Variants in OLFM3 observed in about 807,000 individuals in gnomAD.
OLFM3 encodes olfactomedin 3.
Under a neutral mutation model 48.6 loss-of-function variants are expected in OLFM3, and 20 were observed. The ratio of observed to expected loss-of-function variants is 0.41; its 90% CI spans 0.29 to 0.60. The LOEUF (loss-of-function observed/expected upper bound fraction) is 0.60, where lower values mean the gene tolerates loss of function less well. OLFM3 is among the 20% of genes least tolerant of loss of function. OLFM3 has a pLI of 0.28. For missense variants in OLFM3, 437 were observed against 544.3 expected (o/e 0.80, Z 1.96); for synonymous variants, 222 against 198.1 (o/e 1.12, Z -1.01).
intron 1 of OLFM3, among the ~76,000 whole-genome samples, chr1:101,953,153 T>C (rs531562415): frequency 8.5e-5 from 13 of 152,168 alleles, no homozygotes; most frequent in Non-Finnish European, 1.9e-4. Flanking sequence ...ATGAAATTTA[T>C]TAATAAGCTT....
intron 1 of OLFM3, among the ~76,000 whole-genome samples, chr1:101,990,739 A>G (rs1305828340): frequency 1.3e-5 from 2 of 151,798 alleles, no homozygotes; most frequent in Non-Finnish European, 2.9e-5. Flanking sequence ...TAATCCCAGC[A>G]CTTTGGGAGG....
In OLFM3 at chr1:101,804,597, A is replaced by ACACAGCC. The variant is rs1653672494; in HGVS notation, c.1011_1017dup (p.Tyr340GlyfsTer6). ...TTGCCTGCATTCTGGTTAGTTGCAT[A>ACACAGCC]CACAGCCCACAGCCCGATTTCATCA... On this transcript the variant is annotated frameshift_variant, in exon 6 of 6. Transcript: ENST00000370103. LOFTEE classifies it high-confidence loss of function. This position sits in a 1 kb window ranked among gnomAD's most constrained non-coding sequence, Gnocchi z 4.5. 1 of 1,612,404 alleles carries ACACAGCC rather than the reference A, an allele frequency of 6.2e-7. No homozygotes were observed. Among genetic ancestry groups the ACACAGCC allele is most frequent in the Non-Finnish European group, 8.5e-7 (1 of 1,179,154 alleles).
intron 4 of OLFM3, among the ~76,000 whole-genome samples, chr1:101,814,930 G>A (rs1257737644): frequency 1.3e-5 from 2 of 152,180 alleles, no homozygotes; most frequent in Non-Finnish European, 2.9e-5. Flanking sequence ...CAAATAAACA[G>A]AAAGAAGATC....
chr1:101,921,946 C>G (rs1445614509), intron 1 of OLFM3, among the ~76,000 whole-genome samples: 1 of 152,072 alleles, frequency 6.6e-6, no homozygotes, highest in East Asian at 1.9e-4. Flanking sequence ...GTAGTCCCAG[C>G]TACTCGGGAG....
At position 101,957,738 on chromosome 1, in the gene OLFM3, C is replaced by A. The variant is rs757906932; in HGVS notation, c.69+39010G>T. The stretch of plus-strand genomic sequence containing the variant: ...GAATAATTAGGAAGTAAGAGAGTAA[C>A]AGTGTGGCTTCTTAAAAGGTTAGAG... On this transcript the variant is annotated intron_variant, in intron 1 of 5. Transcript: ENST00000370103. 1.5e-3 allele frequency among the ~76,000 whole-genome samples: 232 copies of A among 152,110 alleles called. 2 individuals are homozygous for A. The highest frequency in any genetic ancestry group is 2.9e-3 in the Admixed American group (45 of 15,258).
chr1:101,899,928 T>G (rs886737032), intron 1 of OLFM3, among the ~76,000 whole-genome samples: 3 of 152,186 alleles, frequency 2.0e-5, no homozygotes, highest in Admixed American at 2.0e-4. Flanking sequence ...TAATGTTATT[T>G]CTTTGTTCTA....
At chr1:101,863,872 A>T (rs888925678) in intron 1 of OLFM3, among the ~76,000 whole-genome samples, 5 of 152,170 alleles carry the variant, frequency 3.3e-5, no homozygotes, top group Non-Finnish European at 7.4e-5. Context: ...CACTGCACAT[A>T]ATGATTTAAG....
chr1:101,956,780 A>G (rs1212853142), intron 1 of OLFM3, among the ~76,000 whole-genome samples: 1 of 151,920 alleles, frequency 6.6e-6, no homozygotes, highest in Non-Finnish European at 1.5e-5. Context: ...CTACAACTGG[A>G]CAGATTTCCC....
chr1:101,924,201 T>C (rs1659190154), intron 1 of OLFM3, among the ~76,000 whole-genome samples: 1 of 152,174 alleles, frequency 6.6e-6, no homozygotes, highest in South Asian at 2.1e-4. Context: ...TTGCACTGAT[T>C]ATGAACACTT....
chr1:101,843,866 A>AT (rs1655852563), intron 1 of OLFM3, among the ~76,000 whole-genome samples: 1 of 152,104 alleles, frequency 6.6e-6, no homozygotes, highest in African/African-American at 2.4e-5. Flanking sequence ...ATTTATGTTA[A>AT]TCTGTTTTTT....
intron 1 of OLFM3, among the ~76,000 whole-genome samples, chr1:101,919,189 A>T (rs1472151337): frequency 6.6e-6 from 1 of 152,196 alleles, no homozygotes; most frequent in Non-Finnish European, 1.5e-5. Flanking sequence ...AGTTTTGAAA[A>T]AAATAATTAT....
chr1:101,841,495 T>A (rs922337168), intron 1 of OLFM3, among the ~76,000 whole-genome samples: 6 of 152,214 alleles, frequency 3.9e-5, no homozygotes, highest in Non-Finnish European at 7.3e-5. Context: ...TAAACACTGC[T>A]ATAGAGAAGA....
chr1:101,880,583 T>C (rs1657483882), intron 1 of OLFM3, among the ~76,000 whole-genome samples: 2 of 151,800 alleles, frequency 1.3e-5, no homozygotes, highest in Non-Finnish European at 2.9e-5. Context: ...CTGGCTACTC[T>C]TGTTTTCCCT....
chr1:101,873,990 A>T (rs566998523), intron 1 of OLFM3, among the ~76,000 whole-genome samples: 1 of 152,038 alleles, frequency 6.6e-6, no homozygotes, highest in South Asian at 2.1e-4. Context: ...AAAATGTAAT[A>T]TGGCTTCAAC....
intron 1 of OLFM3, among the ~76,000 whole-genome samples, chr1:101,979,115 C>A (rs1489214720): frequency 6.6e-6 from 1 of 152,080 alleles, no homozygotes; most frequent in Non-Finnish European, 1.5e-5. Context: ...AGAAATAATA[C>A]ATTCTCTTAG....
chr1:101,945,592 A>T (rs1246427919), intron 1 of OLFM3, among the ~76,000 whole-genome samples: 6 of 152,118 alleles, frequency 3.9e-5, no homozygotes. Flanking sequence ...TTATGAGTTA[A>T]TACATATGTT....
At chr1:101,889,517 G>C (rs945038248) in intron 1 of OLFM3, among the ~76,000 whole-genome samples, 1 of 152,132 alleles carries the variant, frequency 6.6e-6, no homozygotes, top group Admixed American at 6.6e-5. Flanking sequence ...TGGGTCAAGG[G>C]GGGAGGGATA....
At chr1:101,902,305 G>T (rs1301853681) in intron 1 of OLFM3, among the ~76,000 whole-genome samples, 3 of 152,018 alleles carry the variant, frequency 2.0e-5, no homozygotes, top group Non-Finnish European at 4.4e-5. Flanking sequence ...GATTATAATG[G>T]TTAAATTTGA....
chr1:101,965,254 C>T lies in OLFM3; in HGVS notation c.69+31494G>A, dbSNP rs1047179903. 7.9e-5 allele frequency among the ~76,000 whole-genome samples: 12 copies of T among 152,130 alleles called. No homozygotes were observed. In the South Asian group the frequency reaches 8.3e-4, roughly 11 times the overall value. ...AATAGTATATAAACCCCCAGGCTAA[C>T]GGGAACTAACCTTCAGGGCAGAAAA... is the stretch of plus-strand genomic sequence containing the variant. On this transcript the variant is annotated intron_variant, in intron 1 of 5. Transcript: ENST00000370103.
Sources: gnomAD v4.1 joint callset for allele counts (sites outside exome capture counted in the v4.1 genomes callset) on GRCh38, gnomAD v4.1.1 for gene constraint, Gnocchi (gnomAD v3.1) non-coding constraint, MANE v1.5 for transcripts, NCBI Gene and HGNC (gene_info 2026-07-23, HGNC 2026-07-21) for gene names.